Variants in CACNA2D1 observed in about 807,000 individuals in gnomAD.
The protein encoded by CACNA2D1 is voltage-dependent calcium channel subunit alpha-2/delta-1.
In CACNA2D1, 53 loss-of-function variants were observed where a neutral mutation model predicts 171.5. That is an observed-to-expected ratio of 0.31 (90% CI 0.25 to 0.39). The LOEUF is 0.39. CACNA2D1 is among the 10% of genes least tolerant of loss of function. The pLI is 1.00. For missense variants in CACNA2D1, 903 were observed against 1,299.8 expected (o/e 0.69, Z 4.69); for synonymous variants, 442 against 443.1 (o/e 1.00, Z 0.03).
At chr7:82,118,842 G>T (rs1045048217) in intron 5 of CACNA2D1, among the ~76,000 whole-genome samples, 1 of 151,808 alleles carries the variant, frequency 6.6e-6, no homozygotes, top group Non-Finnish European at 1.5e-5. Flanking sequence ...TTTTAAAAAA[G>T]AATAATAGTG....
At chr7:82,255,133 C>G (rs1337477024) in intron 3 of CACNA2D1, among the ~76,000 whole-genome samples, 2 of 152,160 alleles carry the variant, frequency 1.3e-5, no homozygotes, top group South Asian at 2.1e-4. Flanking sequence ...TTGGATTTCT[C>G]TGCTTGAAAA....
chr7:82,092,997 G>GT (rs1811401476), intron 6 of CACNA2D1, among the ~76,000 whole-genome samples: 1 of 150,192 alleles, frequency 6.7e-6, no homozygotes, highest in African/African-American at 2.5e-5. Context: ...TAAAGTGTGT[G>GT]GTTTTTTTTT....
intron 1 of CACNA2D1, among the ~76,000 whole-genome samples, chr7:82,401,376 A>AT (rs1265878429): frequency 2.0e-5 from 3 of 150,458 alleles, no homozygotes; most frequent in African/African-American, 7.4e-5. Context: ...CTATGCAGCC[A>AT]TAAAAAATGA....
intron 12 of CACNA2D1, chr7:82,021,021 T>C (rs937035354): frequency 6.6e-6 from 1 of 152,174 alleles, no homozygotes; most frequent in Non-Finnish European, 1.5e-5. Context: ...ATTTTCATAC[T>C]ATGATATTTT....
chr7:82,223,458 T>C (rs1398460287), intron 3 of CACNA2D1, among the ~76,000 whole-genome samples: 1 of 152,208 alleles, frequency 6.6e-6, no homozygotes, highest in Non-Finnish European at 1.5e-5. Flanking sequence ...GCGATTGACA[T>C]ACAGGTAATT....
chr7:82,177,997 T>A (rs996653968), intron 3 of CACNA2D1, among the ~76,000 whole-genome samples: 2 of 152,176 alleles, frequency 1.3e-5, no homozygotes, highest in Non-Finnish European at 2.9e-5. Context: ...TTCTTACAAC[T>A]GATTTCATGC....
chr7:82,378,540 A>G (rs1823284917), intron 1 of CACNA2D1, among the ~76,000 whole-genome samples: 1 of 152,206 alleles, frequency 6.6e-6, no homozygotes. Flanking sequence ...TTTTAACGAT[A>G]GAATTTCTTT....
At chr7:81,953,077 G>A (rs1054937192) in intron 38 of CACNA2D1, among the ~76,000 whole-genome samples, 6 of 152,094 alleles carry the variant, frequency 3.9e-5, no homozygotes, top group Non-Finnish European at 8.8e-5. Flanking sequence ...TTTTTGCAGA[G>A]TGGGGGTTTC....
chr7:82,232,050 T>C (rs1802999711), intron 3 of CACNA2D1, among the ~76,000 whole-genome samples: 2 of 152,212 alleles, frequency 1.3e-5, no homozygotes, highest in Non-Finnish European at 2.9e-5. Flanking sequence ...TATTCCATCT[T>C]TGTGGCTTTT....
At chr7:82,213,972 G>A (rs1051355738) in intron 3 of CACNA2D1, among the ~76,000 whole-genome samples, 1 of 152,194 alleles carries the variant, frequency 6.6e-6, no homozygotes, top group Non-Finnish European at 1.5e-5. Flanking sequence ...AGGAGATTCA[G>A]TGTCTGGAGA....
At chr7:82,402,411 T>C (rs1826526660) in intron 1 of CACNA2D1, among the ~76,000 whole-genome samples, 1 of 151,958 alleles carries the variant, frequency 6.6e-6, no homozygotes. Flanking sequence ...AGGAGAGACT[T>C]GAAAAAATCT....
At chr7:82,372,830 T>C (rs974581541) in intron 1 of CACNA2D1, among the ~76,000 whole-genome samples, 2 of 152,228 alleles carry the variant, frequency 1.3e-5, no homozygotes, top group Admixed American at 1.3e-4. Context: ...TGGTTTACAG[T>C]TTCCTCTAAA....
intron 1 of CACNA2D1, among the ~76,000 whole-genome samples, chr7:82,364,244 A>G (rs1821424543): frequency 6.6e-6 from 1 of 152,204 alleles, no homozygotes; most frequent in Admixed American, 6.5e-5. Flanking sequence ...TTTGGCAGAA[A>G]GATTGCAGGG....
At chr7:82,383,477 A>G (rs1823938506) in intron 1 of CACNA2D1, among the ~76,000 whole-genome samples, 1 of 152,262 alleles carries the variant, frequency 6.6e-6, no homozygotes, top group African/African-American at 2.4e-5. Flanking sequence ...ACATGGGAAA[A>G]GGGAATCACA....
At chr7:82,162,505 GTCATTCCTTTCAAT>G (rs1563140433) in intron 4 of CACNA2D1, among the ~76,000 whole-genome samples, 1 of 151,970 alleles carries the variant, frequency 6.6e-6, no homozygotes, top group Non-Finnish European at 1.5e-5. Context: ...GGGAGAGCTG[GTCATTCCTTTCAAT>G]TCCTATAGCA....
intron 24 of CACNA2D1, among the ~76,000 whole-genome samples, chr7:81,981,410 G>T (rs1427248033): frequency 1.3e-5 from 2 of 152,066 alleles, no homozygotes; most frequent in Non-Finnish European, 2.9e-5. Flanking sequence ...AAGGATACGG[G>T]CATTCAAAAA....
chr7:82,138,426 G>GTTTTTTTTTTTTTTTTTTTTTTTTT, intron 4 of CACNA2D1, among the ~76,000 whole-genome samples: 1 of 101,314 alleles, frequency 9.9e-6, no homozygotes. Context: ...TATAGCATTA[G>GTTTTTTTTTTTTTTTTTTTTTTTTT]TTTTGTTTTT....
chr7:82,182,323 A>G (rs1050310654), intron 3 of CACNA2D1, among the ~76,000 whole-genome samples: 1 of 152,180 alleles, frequency 6.6e-6, no homozygotes, highest in Non-Finnish European at 1.5e-5. Flanking sequence ...AACCACTTTA[A>G]AAAGGAAAAA....
At chr7:82,068,727 G>C (rs952194489) in intron 7 of CACNA2D1, among the ~76,000 whole-genome samples, 2 of 151,920 alleles carry the variant, frequency 1.3e-5, no homozygotes, top group Admixed American at 1.3e-4. Context: ...AAAGTGGTCT[G>C]CAACGAATCT....
Sources: allele counts gnomAD v4.1 joint callset (sites outside exome capture counted in the v4.1 genomes callset), GRCh38; gene constraint gnomAD v4.1.1; transcripts MANE v1.5; gene names NCBI Gene and HGNC (gene_info 2026-07-23, HGNC 2026-07-21).